Variants in CCDC88C observed in about 807,000 individuals in gnomAD.
CCDC88C encodes coiled-coil and HOOK domain protein 88C.
In CCDC88C, 131 loss-of-function variants were observed where a neutral mutation model predicts 198.8. The ratio of observed to expected loss-of-function variants is 0.66; its 90% CI spans 0.57 to 0.76. The LOEUF (loss-of-function observed/expected upper bound fraction) is 0.76. Ranked by LOEUF, CCDC88C falls within the 30% of genes least tolerant of loss-of-function variation. CCDC88C has a pLI of 0.00. For synonymous variants in CCDC88C, 1,166 were observed against 1,114.7 expected (o/e 1.05, Z -0.92); for missense variants, 2,553 against 2,631.6 (o/e 0.97, Z 0.65).
Position 91,342,374 on chromosome 14 carries a change from A to G in CCDC88C, c.483+6T>C. Reference sequence around the variant, plus strand: ...AGCTGAGCCCACCACGAGGCCACGCACCTACCTCCTGGATATGGGCCACGA... The same window carrying G: ...AGCTGAGCCCACCACGAGGCCACGCGCCTACCTCCTGGATATGGGCCACGA... On this transcript the variant is annotated splice_donor_region_variant and intron_variant, in intron 6 of 29. Coordinates refer to ENST00000389857, the MANE Select transcript of CCDC88C (RefSeq NM_001080414.4). 1.3e-6 allele frequency: 2 copies of G among 1,575,474 alleles called. No homozygotes were observed. Among genetic ancestry groups the G allele is most frequent in the Non-Finnish European group, 1.7e-6 (2 of 1,157,218 alleles).
chr14:91,328,015 C>T (rs1466992274), intron 10 of CCDC88C, among the ~76,000 whole-genome samples: 2 of 152,198 alleles, frequency 1.3e-5, no homozygotes, highest in African/African-American at 2.4e-5. Context: ...GCCTGTTCCT[C>T]CCCCAGACCA....
chr14:91,347,904 A>G (rs1420834589), intron 4 of CCDC88C, among the ~76,000 whole-genome samples: 2 of 152,250 alleles, frequency 1.3e-5, no homozygotes, highest in African/African-American at 4.8e-5. Flanking sequence ...TAGTGGCACT[A>G]TTCACAATAG....
intron 21 of CCDC88C, among the ~76,000 whole-genome samples, 194 bp from the exon 22 acceptor site, chr14:91,297,685 C>T (rs1320838430): frequency 1.3e-5 from 2 of 151,794 alleles, no homozygotes; most frequent in Admixed American, 6.6e-5. Context: ...CATCAGCAAA[C>T]TGTGTTCTTT....
rs751391747 is a variant in CCDC88C at position 91,339,834 on chromosome 14, G to A, written c.624+50C>T. On this transcript the variant is annotated intron_variant, in intron 7 of 29. Transcript: ENST00000389857. This position sits in a 1 kb window ranked among gnomAD's most constrained non-coding sequence, Gnocchi z 5.8. Reference sequence around the variant, plus strand: ...GAAGATGAAGGGAGAGGAGATGAAGGGGCCTAAGCCCCTTCCCAGGCTGAC... The same window carrying A: ...GAAGATGAAGGGAGAGGAGATGAAGAGGCCTAAGCCCCTTCCCAGGCTGAC... 9 of 1,509,958 alleles carry A rather than the reference G, an allele frequency of 6.0e-6. No homozygotes were observed. The African/African-American group carries it at 9.8e-5, about 16-fold the overall frequency. 93.5% of individuals were successfully genotyped at this position (1,509,958 alleles called of 1,614,324 possible). A position where few individuals can be genotyped will look rare whatever the true frequency, so the allele number is the denominator to read the frequency against.
At chr14:91,305,380 GAA>G (rs1567063514) in intron 19 of CCDC88C, among the ~76,000 whole-genome samples, 1 of 152,098 alleles carries the variant, frequency 6.6e-6, no homozygotes, top group East Asian at 1.9e-4. Flanking sequence ...AGCTTAAAAA[GAA>G]AGAGTTCTGC....
At chr14:91,287,889 A>G (rs1334045456) in intron 25 of CCDC88C, among the ~76,000 whole-genome samples, 3 of 152,080 alleles carry the variant, frequency 2.0e-5, no homozygotes, top group African/African-American at 7.2e-5. Context: ...CCCCAAAATG[A>G]TATTTAAAGG....
At position 91,326,060 on chromosome 14, in the gene CCDC88C, G is replaced by C. The variant is rs750241342; in HGVS notation, c.1051-4C>G. The C allele has an allele frequency of 3.1e-6, 5 of 1,607,386 alleles. No homozygotes were observed. The South Asian group carries it at 5.6e-5, about 18-fold the overall frequency. Reference sequence around the variant, plus strand: ...TGATATTATCTTCTCTCAGCTCCTGGTTAGCAAAAACATACATGAGAACCA... The same window carrying C: ...TGATATTATCTTCTCTCAGCTCCTGCTTAGCAAAAACATACATGAGAACCA... On this transcript the variant is annotated splice_polypyrimidine_tract_variant and splice_region_variant and intron_variant, in intron 10 of 29. Transcript: ENST00000389857.
Position 91,396,483 on chromosome 14 carries a change from C to T in CCDC88C, c.270+12176G>A, listed in dbSNP as rs1004699503. Among the ~76,000 whole-genome samples the T allele has an allele frequency of 4.5e-4, 69 of 152,176 alleles. 1 individual carries two copies. Among genetic ancestry groups the T allele is most frequent in the Non-Finnish European group, 1.3e-4 (9 of 68,030 alleles). On this transcript the variant is annotated intron_variant, in intron 3 of 29. Transcript: ENST00000389857. The stretch of plus-strand genomic sequence containing the variant: ...TCATTCACGCCCGCATCACTCGATT[C>T]CCACAACACTCATCACCCACAAGTG...
Position 91,339,127 on chromosome 14 carries a change from AG to A in CCDC88C, c.809+150del, listed in dbSNP as rs1893191798. The A allele has an allele frequency of 4.6e-6, 4 of 876,830 alleles. No individual in the cohort carries two copies. In the South Asian group the frequency reaches 5.7e-5, roughly 13 times the overall value. 54.3% of individuals were successfully genotyped at this position (876,830 alleles called of 1,614,324 possible). ...CTCAGAAGGGGAGGCAGCTAGTCCGAGGTCAAAGAGTAAGCTCAGGGCAGAC... is the reference window on the plus strand; with the variant it reads ...CTCAGAAGGGGAGGCAGCTAGTCCGAGTCAAAGAGTAAGCTCAGGGCAGAC... On this transcript the variant is annotated intron_variant, in intron 8 of 29. Transcript: ENST00000389857. The surrounding 1 kb of genome is among the most constrained non-coding windows in gnomAD (Gnocchi z 5.8).
intron 3 of CCDC88C, among the ~76,000 whole-genome samples, chr14:91,404,603 C>T (rs796646920): frequency 2.6e-5 from 4 of 152,324 alleles, no homozygotes; most frequent in African/African-American, 9.6e-5. Flanking sequence ...AGAACCACCA[C>T]TCTCACCCAC....
intron 24 of CCDC88C, 104 bp downstream of exon 24, chr14:91,290,891 G>C: frequency 1.4e-6 from 1 of 696,890 alleles, no homozygotes; most frequent in Non-Finnish European, 2.6e-6. Flanking sequence ...TCTGTGCACA[G>C]GTGGATGGTG....
At chr14:91,372,924 T>C (rs972408208) in intron 3 of CCDC88C, among the ~76,000 whole-genome samples, 6 of 152,160 alleles carry the variant, frequency 3.9e-5, no homozygotes, top group Non-Finnish European at 5.9e-5. Context: ...AGGCCTTTCC[T>C]AGCCGTCAGG....
intron 3 of CCDC88C, among the ~76,000 whole-genome samples, chr14:91,374,002 G>C (rs1894958324): frequency 6.6e-6 from 1 of 152,204 alleles, no homozygotes; most frequent in Admixed American, 6.5e-5. Context: ...ACAGGGAACT[G>C]AGATCCTCAG....
chr14:91,394,811 G>A (rs1034401239), intron 3 of CCDC88C, among the ~76,000 whole-genome samples: 3 of 152,170 alleles, frequency 2.0e-5, no homozygotes, highest in African/African-American at 7.2e-5. Flanking sequence ...ACAGGCACAC[G>A]TGCACACTCG....
At chr14:91,365,168 TCCCTCAC>T (rs58915053) in intron 3 of CCDC88C, among the ~76,000 whole-genome samples, 18 of 149,494 alleles carry the variant, frequency 1.2e-4, no homozygotes, top group Middle Eastern at 3.4e-3. Context: ...CTCCTCCAAC[TCCCTCAC>T]CCCTCACCCC....
chr14:91,318,276 C>T (rs569460588), intron 13 of CCDC88C, among the ~76,000 whole-genome samples: 3 of 152,028 alleles, frequency 2.0e-5, no homozygotes, highest in South Asian at 4.2e-4. Flanking sequence ...ATTAGCTGGG[C>T]GTGGTGGTAC....
intron 20 of CCDC88C, among the ~76,000 whole-genome samples, chr14:91,302,064 G>A (rs1891320177): frequency 1.3e-5 from 2 of 152,132 alleles, no homozygotes; most frequent in African/African-American, 2.4e-5. Context: ...GGATAAAAGG[G>A]GTGAAGAACT....
At position 91,273,032 on chromosome 14, in the gene CCDC88C, C is replaced by G; in HGVS notation, c.5680G>C (p.Glu1894Gln). The G allele has an allele frequency of 6.4e-7, 1 of 1,555,988 alleles. No individual in the cohort carries two copies. Among genetic ancestry groups the G allele is most frequent in the South Asian group, 1.2e-5 (1 of 85,406 alleles). ...RRFSLAPPKE[E>Q]RLAPLHQSAT... ...GACTGATGCAGGGGGGCCAGCCTCT[C>G]CTCCTTTGGGGGAGCCAGGGAGAAG... The change falls in exon 30 of 30, where the codon GAG becomes CAG. Residue 1894 changes from glutamate to glutamine, a missense_variant. Around this residue, in one of 2 missense-constraint regions of CCDC88C, gnomAD observed 1,293 missense variants for 1,219.6 expected, o/e 1.06. Transcript: ENST00000389857. The surrounding 1 kb of genome is among the most constrained non-coding windows in gnomAD (Gnocchi z 5.6).
In CCDC88C at chr14:91,303,767, C is replaced by T. The variant is rs1366745407; in HGVS notation, c.3569G>A (p.Arg1190His). 6 of 1,613,158 alleles carry T rather than the reference C, an allele frequency of 3.7e-6. No individual in the cohort carries two copies. Among genetic ancestry groups the T allele is most frequent in the East Asian group, 2.2e-5 (1 of 44,848 alleles). The change falls in exon 20 of 30, where the codon CGC becomes CAC. Residue 1190 changes from arginine (R) to histidine (H), a missense_variant. By Grantham distance (29) the Arg-to-His change is conservative. Coordinates refer to ENST00000389857, the MANE Select transcript of CCDC88C (RefSeq NM_001080414.4). ...CAGTGTCTTTAGGCAGCTGTGCTGG[C>T]GGATGAGGGCCTCGTACTCGGCCGA... ...RQSAEYEALI[R>H]QHSCLKTLHR...
Sources: gnomAD v4.1 joint callset for allele counts (sites outside exome capture counted in the v4.1 genomes callset) on GRCh38, gnomAD v4.1.1 for gene constraint, gnomAD v4.1.1 regional missense constraint, Gnocchi (gnomAD v3.1) non-coding constraint, MANE v1.5 for transcripts, NCBI Gene and HGNC (gene_info 2026-07-23, HGNC 2026-07-21) for gene names.